NECTIN1: variants seen among roughly 807,000 people sequenced by gnomAD.
NECTIN1 encodes nectin-1.
A neutral mutation model predicts 48.0 loss-of-function variants in NECTIN1; 23 were observed. The ratio of observed to expected loss-of-function variants is 0.48; its 90% CI spans 0.34 to 0.68. The LOEUF (loss-of-function observed/expected upper bound fraction) is 0.68. Among genes scored for constraint, NECTIN1 ranks in the 30% least tolerant of loss-of-function variants. The pLI is 0.01. For synonymous variants in NECTIN1, 270 were observed against 288.9 expected (o/e 0.93, Z 0.66); for missense variants, 591 against 709.9 (o/e 0.83, Z 1.90).
chr11:119,638,838 G>A (rs1864277475), intron 6 of NECTIN1: 1 of 1,584,558 alleles, frequency 6.3e-7, no homozygotes, highest in Non-Finnish European at 8.7e-7. Context: ...GCTCAGCACA[G>A]GAGCACACAT....
At chr11:119,639,531 G>A (rs1483718049) in intron 6 of NECTIN1, 12 of 409,732 alleles carry the variant, frequency 2.9e-5, no homozygotes, top group East Asian at 1.7e-4. Context: ...CTGGGAGCAC[G>A]TAAACTCTTG....
intron 5 of NECTIN1, among the ~76,000 whole-genome samples, chr11:119,666,107 G>A (rs955450069): frequency 5.3e-5 from 8 of 152,176 alleles, no homozygotes; most frequent in Non-Finnish European, 1.0e-4. Flanking sequence ...AGCATGGCAG[G>A]GCACAAGCAC....
At position 119,665,105 on chromosome 11, in the gene NECTIN1, C is replaced by G. The variant is rs775926077; in HGVS notation, c.1196G>C (p.Gly399Ala). The G allele has an allele frequency of 6.2e-7, 1 of 1,613,938 alleles. No individual in the cohort carries two copies. The highest frequency in any genetic ancestry group is 1.3e-5 in the African/African-American group (1 of 74,902). The change falls in exon 6 of 6, where the codon GGC becomes GCC. Residue 399 changes from glycine (G) to alanine (A), a missense_variant. Transcript: ENST00000264025. The surrounding 1 kb of genome is among the most constrained non-coding windows in gnomAD (Gnocchi z 5.1). The part of the protein sequence containing the change: ...YSTKKHVYGN[G>A]YSKAGIPQHH... Reference sequence around the variant, plus strand: ...CTGGGGGATGCCTGCCTTGCTGTAGCCGTTGCCATACACGTGCTTCTTGGT... The same window carrying G: ...CTGGGGGATGCCTGCCTTGCTGTAGGCGTTGCCATACACGTGCTTCTTGGT...
chr11:119,686,262 G>A (rs911595190), intron 1 of NECTIN1, among the ~76,000 whole-genome samples: 4 of 152,086 alleles, frequency 2.6e-5, no homozygotes, highest in African/African-American at 7.2e-5. Flanking sequence ...CCTCACCTCC[G>A]GCAGTCTCCC....
At chr11:119,656,334 A>C (rs1007562401), downstream of NECTIN1, 3 of 152,256 alleles carry the variant, frequency 2.0e-5, no homozygotes, top group African/African-American at 7.2e-5. Context: ...CAGCACATGT[A>C]CTAAAATTGC....
Position 119,675,380 on chromosome 11 carries a change from C to T in NECTIN1, c.852-70G>A. ...CTCAAGAAGCTGTTCCTGGGTCACC[C>T]ACTTGGCTCCAGGCCCCCTAGCCTT... On this transcript the variant is annotated intron_variant, in intron 4 of 5. Transcript: ENST00000264025. The T allele has an allele frequency of 4.4e-6, 7 of 1,579,828 alleles. No homozygotes were observed. In the South Asian group the frequency reaches 7.8e-5, roughly 18 times the overall value.
chr11:119,654,576 C>CTTTTTTTTTTTTTT (rs11351493), intron 5 of NECTIN1, among the ~76,000 whole-genome samples: 3 of 146,096 alleles, frequency 2.1e-5, no homozygotes, highest in African/African-American at 7.6e-5. Context: ...TCAGGAACAC[C>CTTTTTTTTTTTTTT]TTTTTTTTTT....
intron 1 of NECTIN1, among the ~76,000 whole-genome samples, chr11:119,705,146 G>T (rs1865526827): frequency 6.6e-6 from 1 of 152,182 alleles, no homozygotes; most frequent in South Asian, 2.1e-4. Flanking sequence ...GCCAGGCAGG[G>T]CTCGAGATTA....
rs936828138 is a variant in NECTIN1, at chr11:119,662,126, T to C, written c.*2621A>G. On this transcript the variant is annotated 3_prime_UTR_variant, in exon 6 of 6. Transcript: ENST00000264025. The surrounding 1 kb of genome is among the most constrained non-coding windows in gnomAD (Gnocchi z 5.3). ...GACAACTGGGGAGGCCTTGGCACAA[T>C]TCATACCAAGTTTATTTCATTTCCA... The C allele has an allele frequency of 2.0e-6, 2 of 985,416 alleles. No homozygotes were observed. The highest frequency in any genetic ancestry group is 1.7e-5 in the African/African-American group (1 of 57,344). 61.0% of individuals were successfully genotyped at this position (985,416 alleles called of 1,614,324 possible). A position where few individuals can be genotyped will look rare whatever the true frequency, so the allele number is the denominator to read the frequency against.
chr11:119,657,523 G>A (rs1410124887), downstream of NECTIN1, among the ~76,000 whole-genome samples: 1 of 150,890 alleles, frequency 6.6e-6, no homozygotes, highest in Admixed American at 6.6e-5. Context: ...CCTGAGGTAG[G>A]AGAATCACTT....
chr11:119,684,236 G>T lies in NECTIN1; in HGVS notation c.80-5471C>A, dbSNP rs1017791052. Among the ~76,000 whole-genome samples, 1 of 152,240 alleles carries T rather than the reference G, an allele frequency of 6.6e-6. No individual in the cohort carries two copies. The highest frequency in any genetic ancestry group is 2.4e-5 in the African/African-American group (1 of 41,474). On this transcript the variant is annotated intron_variant, in intron 1 of 5. Transcript: ENST00000264025. This position sits in a 1 kb window ranked among gnomAD's most constrained non-coding sequence, Gnocchi z 5.2. Reference sequence around the variant, plus strand: ...CTAGGTGAGGCGAGGGGGATTTGGGGCTTCCTGGCATAAACCACTTCTTTT... The same window carrying T: ...CTAGGTGAGGCGAGGGGGATTTGGGTCTTCCTGGCATAAACCACTTCTTTT...
chr11:119,647,225 C>CTGTGTGTGTGTGTGTG (rs1279579777), intron 5 of NECTIN1, among the ~76,000 whole-genome samples: 15 of 55,856 alleles, frequency 2.7e-4, no homozygotes, highest in Non-Finnish European at 4.0e-4. Context: ...GTGTGTGTGA[C>CTGTGTGTGTGTGTGTG]TGTGACCCCC....
At position 119,673,425 on chromosome 11, in the gene NECTIN1, C is replaced by T. The variant is rs1864892720; in HGVS notation, c.1003+1734G>A. Among the ~76,000 whole-genome samples the T allele has an allele frequency of 6.6e-6, 1 of 152,188 alleles. No homozygotes were observed. The highest frequency in any genetic ancestry group is 1.5e-5 in the Non-Finnish European group (1 of 68,018). ...TGGGACCCTAGGTGGCCCGGCCCTC[C>T]TGCCCCCAGCCCACACCCCTCACAT... is the stretch of plus-strand genomic sequence containing the variant. On this transcript the variant is annotated intron_variant, in intron 5 of 5. Transcript: ENST00000264025. The surrounding 1 kb of genome is among the most constrained non-coding windows in gnomAD (Gnocchi z 5.8).
rs1218642622 is a variant in NECTIN1 at position 119,683,919 on chromosome 11, ACGGGC to A, written c.80-5159_80-5155del. 8.9e-4 allele frequency among the ~76,000 whole-genome samples: 135 copies of A among 152,178 alleles called. No homozygotes were observed. Among genetic ancestry groups the A allele is most frequent in the Non-Finnish European group, 1.5e-4 (10 of 67,998 alleles). ...TTCCCAGAAGTGCTGAGCCAGCATG[ACGGGC>A]CTCAGGCCGGCCCCCTGAGACGTCA... On this transcript the variant is annotated intron_variant, in intron 1 of 5. Transcript: ENST00000264025. This position sits in a 1 kb window ranked among gnomAD's most constrained non-coding sequence, Gnocchi z 4.0.
intron 5 of NECTIN1, among the ~76,000 whole-genome samples, chr11:119,645,311 T>G (rs1864382431): frequency 6.6e-6 from 1 of 152,126 alleles, no homozygotes. Context: ...AGGCAAGTCT[T>G]CCTGGCCAAC....
chr11:119,674,514 T>TGGG (rs3215181), intron 5 of NECTIN1: 10 of 1,610,500 alleles, frequency 6.2e-6, no homozygotes, highest in Admixed American at 1.7e-5. Flanking sequence ...TTACAGATGG[T>TGGG]GGGGGGGGCC....
At chr11:119,657,466 T>A (rs929781401), downstream of NECTIN1, among the ~76,000 whole-genome samples, 1 of 151,764 alleles carries the variant, frequency 6.6e-6, no homozygotes, top group Non-Finnish European at 1.5e-5. Flanking sequence ...ATACAAAAAA[T>A]TAGCTGGGCG....
At chr11:119,720,816 C>T (rs1456993271) in intron 1 of NECTIN1, among the ~76,000 whole-genome samples, 1 of 152,158 alleles carries the variant, frequency 6.6e-6, no homozygotes, top group Non-Finnish European at 1.5e-5. Flanking sequence ...GGAAGAACCA[C>T]AAGATGGAAT....
chr11:119,661,219 ATTCTT>A lies in NECTIN1; in HGVS notation c.*3523_*3527del, dbSNP rs1591446279. ...AGGGGAGGGTGGCAGCTTCTCCTGG[ATTCTT>A]TTCATTTATACAAAAAAGGAAAACC... is the stretch of plus-strand genomic sequence containing the variant. On this transcript the variant is annotated 3_prime_UTR_variant, in exon 6 of 6. Transcript: ENST00000264025. 9 of 985,714 alleles carry A rather than the reference ATTCTT, an allele frequency of 9.1e-6. No individual in the cohort carries two copies. Among genetic ancestry groups the A allele is most frequent in the Non-Finnish European group, 1.1e-5 (9 of 829,934 alleles). The allele number at this position is 985,714 out of a possible 1,614,324, so 61.1% of individuals were successfully genotyped here.
Sources: gnomAD v4.1 joint callset for allele counts (sites outside exome capture counted in the v4.1 genomes callset) on GRCh38, gnomAD v4.1.1 for gene constraint, Gnocchi (gnomAD v3.1) non-coding constraint, MANE v1.5 for transcripts, NCBI Gene and HGNC (gene_info 2026-07-23, HGNC 2026-07-21) for gene names.